Variants in TBCD observed in about 807,000 individuals in gnomAD.
TBCD encodes the protein tubulin-specific chaperone D.
In TBCD, 105 loss-of-function variants were observed where a neutral mutation model predicts 169.3. That is an observed-to-expected ratio of 0.62 (90% CI 0.53 to 0.73). The LOEUF (loss-of-function observed/expected upper bound fraction) is 0.73. TBCD is among the 30% of genes least tolerant of loss of function. TBCD has a pLI of 0.00. For missense variants in TBCD, 1,444 were observed against 1,600.1 expected, an observed-to-expected ratio of 0.90 and a Z score of 1.66; for synonymous variants, 700 against 643.9, an observed-to-expected ratio of 1.09 and a Z score of -1.32.
Position 82,832,274 on chromosome 17 carries a change from G to A in TBCD, c.1318+17340G>A. 6.2e-7 allele frequency: 1 copy of A among 1,614,238 alleles called. No individual in the cohort carries two copies. Among genetic ancestry groups the A allele is most frequent in the Non-Finnish European group, 8.5e-7 (1 of 1,180,046 alleles). On this transcript the variant is annotated intron_variant, in intron 13 of 38. Coordinates refer to ENST00000355528, the MANE Select transcript of TBCD (RefSeq NM_005993.5). The surrounding 1 kb of genome is among the most constrained non-coding windows in gnomAD (Gnocchi z 4.9). Reference sequence around the variant, plus strand: ...TTAGATTTAGGGCACTTGGGAACTCGATCCTGCTCTGATACTAAAGTAATC... The same window carrying A: ...TTAGATTTAGGGCACTTGGGAACTCAATCCTGCTCTGATACTAAAGTAATC...
intron 13 of TBCD, among the ~76,000 whole-genome samples, chr17:82,828,073 A>T (rs138126917): frequency 1.4e-4 from 21 of 148,958 alleles, no homozygotes; most frequent in African/African-American, 5.2e-4. Context: ...GCACATGTGC[A>T]CATCCACACA....
Position 82,889,813 on chromosome 17 carries a change from T to C in TBCD, c.1563+116T>C. On this transcript the variant is annotated intron_variant, in intron 16 of 38. Coordinates refer to ENST00000355528, the MANE Select transcript of TBCD (RefSeq NM_005993.5). The surrounding 1 kb of genome is among the most constrained non-coding windows in gnomAD (Gnocchi z 5.3). ...CACTGTGAGATGTGGTGTGGCTACA[T>C]CAATGCCAGGGTCATGAGTTCACTA... 1.6e-6 allele frequency: 2 copies of C among 1,229,464 alleles called. No homozygotes were observed. Among genetic ancestry groups the C allele is most frequent in the East Asian group, 2.4e-5 (1 of 41,562 alleles). The allele number at this position is 1,229,464 out of a possible 1,614,324, so 76.2% of individuals were successfully genotyped here. A position where few individuals can be genotyped will look rare whatever the true frequency, so the allele number is the denominator to read the frequency against.
At chr17:82,877,783 G>A (rs1259775525) in intron 14 of TBCD, among the ~76,000 whole-genome samples, 1 of 152,208 alleles carries the variant, frequency 6.6e-6, no homozygotes, top group Non-Finnish European at 1.5e-5. Flanking sequence ...TGTAACGTGA[G>A]TTCCCTTTAA....
chr17:82,893,738 A>G (rs2059299912), intron 17 of TBCD, 106 bp downstream of exon 17: 4 of 787,268 alleles, frequency 5.1e-6, no homozygotes, highest in Non-Finnish European at 8.0e-6. Context: ...TGTCCACTCA[A>G]TGGAATGTAG....
rs1221585408 is a variant in TBCD, at chr17:82,890,808, G to A, written c.1563+1111G>A. ...TAGGAAGAGACACCAGCCTTGCAAGGGGAGCCTGGGTGTGCAGACAGCAAG... is the reference window on the plus strand; with the variant it reads ...TAGGAAGAGACACCAGCCTTGCAAGAGGAGCCTGGGTGTGCAGACAGCAAG... On this transcript the variant is annotated intron_variant, in intron 16 of 38. Coordinates refer to ENST00000355528, the MANE Select transcript of TBCD (RefSeq NM_005993.5). This position sits in a 1 kb window ranked among gnomAD's most constrained non-coding sequence, Gnocchi z 5.3. Among the ~76,000 whole-genome samples the A allele has an allele frequency of 6.6e-6, 1 of 152,210 alleles. No individual in the cohort carries two copies. Among genetic ancestry groups the A allele is most frequent in the Non-Finnish European group, 1.5e-5 (1 of 68,038 alleles).
At chr17:82,830,893 A>T in intron 13 of TBCD, 16 of 1,612,830 alleles carry the variant, frequency 9.9e-6, no homozygotes, top group Non-Finnish European at 1.4e-5. Context: ...AGAAGCCAAG[A>T]AAAAGCTTAG....
At chr17:82,883,844 C>T (rs1005335859) in intron 14 of TBCD, among the ~76,000 whole-genome samples, 16 of 152,242 alleles carry the variant, frequency 1.1e-4, no homozygotes, top group African/African-American at 1.7e-4. Context: ...AGGCCAGGTG[C>T]GTTCTGCCCC....
At chr17:82,924,803 C>T (rs180726236) in intron 26 of TBCD, 136 bp from the exon 27 acceptor site, 492 of 634,738 alleles carry the variant, frequency 7.8e-4, no homozygotes, top group African/African-American at 4.7e-3. Flanking sequence ...ACTTTGGAAA[C>T]GTGTCTGCTT....
chr17:82,845,723 C>A (rs764191156), intron 13 of TBCD, among the ~76,000 whole-genome samples: 3 of 152,220 alleles, frequency 2.0e-5, no homozygotes, highest in Non-Finnish European at 2.9e-5. Context: ...GCTCTTCCAT[C>A]TTCACCCTTT....
intron 1 of TBCD, among the ~76,000 whole-genome samples, chr17:82,752,847 G>A (rs537509482): frequency 7.2e-5 from 11 of 152,298 alleles, no homozygotes; most frequent in Non-Finnish European, 1.3e-4. Flanking sequence ...ATGAGAGAGG[G>A]GGACGCAGGG....
In TBCD at chr17:82,853,741, C is replaced by G. The variant is rs549329195; in HGVS notation, c.1319-16483C>G. ...TGGGTTCGTGTTTTCTCAGTGTATT[C>G]TTTTCTGTCTTTTAATTTTTTTATA... On this transcript the variant is annotated intron_variant, in intron 13 of 38. Coordinates refer to ENST00000355528, the MANE Select transcript of TBCD (RefSeq NM_005993.5). Among the ~76,000 whole-genome samples, 8 of 152,012 alleles carry G rather than the reference C, an allele frequency of 5.3e-5. No homozygotes were observed. In the East Asian group the frequency reaches 1.4e-3, roughly 26 times the overall value.
intron 36 of TBCD, among the ~76,000 whole-genome samples, chr17:82,938,464 A>G (rs1474498733): frequency 6.6e-6 from 1 of 152,200 alleles, no homozygotes; most frequent in Non-Finnish European, 1.5e-5. Flanking sequence ...CTTCATCCCC[A>G]GCACTCCCCG....
Position 82,920,136 on chromosome 17 carries a change from C to G in TBCD, c.2039-420C>G, listed in dbSNP as rs1456895854. Among the ~76,000 whole-genome samples, 1 of 152,210 alleles carries G rather than the reference C, an allele frequency of 6.6e-6. No homozygotes were observed. The highest frequency in any genetic ancestry group is 1.5e-5 in the Non-Finnish European group (1 of 68,030). ...ACGAGCTATGTGGGGAAGTGACAGG[C>G]ATGACCTGTGGTCTGGAGCATTGCA... On this transcript the variant is annotated intron_variant, in intron 23 of 38. Transcript: ENST00000355528. This position sits in a 1 kb window ranked among gnomAD's most constrained non-coding sequence, Gnocchi z 4.1.
At chr17:82,932,543 A>G in intron 33 of TBCD, 115 bp from the exon 34 acceptor site, 1 of 822,448 alleles carries the variant, frequency 1.2e-6, no homozygotes, top group African/African-American at 1.7e-5. Flanking sequence ...TTTCCACGTA[A>G]ATTATAAAGG....
chr17:82,764,124 T>G, intron 3 of TBCD, 62 bp downstream of exon 3: 1 of 1,281,740 alleles, frequency 7.8e-7, no homozygotes, highest in Non-Finnish European at 1.1e-6. Context: ...GGTCCAGAGG[T>G]TACCCTCCAA....
intron 7 of TBCD, among the ~76,000 whole-genome samples, chr17:82,793,275 T>G (rs552632900): frequency 2.0e-5 from 3 of 152,162 alleles, no homozygotes; most frequent in Non-Finnish European, 4.4e-5. Context: ...TGCTCGCTCC[T>G]GGGGGAGGCA....
chr17:82,893,500 T>C (rs769230350), intron 16 of TBCD, 47 bp from the exon 17 acceptor site: 10 of 1,420,648 alleles, frequency 7.0e-6, no homozygotes, highest in Non-Finnish European at 9.8e-6. Context: ...GAAATGCCTT[T>C]GTTCATTCAA....
At chr17:82,834,839 C>A (rs554347207) in intron 13 of TBCD, among the ~76,000 whole-genome samples, 24 of 152,178 alleles carry the variant, frequency 1.6e-4, no homozygotes, top group Non-Finnish European at 3.4e-4. Flanking sequence ...ACCTGTGTAA[C>A]CTACACGTTC....
chr17:82,830,562 CTT>C, intron 13 of TBCD: 1 of 1,614,066 alleles, frequency 6.2e-7, no homozygotes. Context: ...CTGTCCCAGT[CTT>C]CTGTGGAACA....
Sources: gnomAD v4.1 joint callset for allele counts (sites outside exome capture counted in the v4.1 genomes callset) on GRCh38, gnomAD v4.1.1 for gene constraint, Gnocchi (gnomAD v3.1) non-coding constraint, MANE v1.5 for transcripts, NCBI Gene and HGNC (gene_info 2026-07-23, HGNC 2026-07-21) for gene names.